The following PRICKLE2 variants were observed in gnomAD, a reference collection of about 807,000 sequenced individuals.
PRICKLE2 encodes the protein prickle-like protein 2.
A neutral mutation model predicts 81.4 loss-of-function variants in PRICKLE2; 21 were observed. The ratio of observed to expected loss-of-function variants is 0.26; its 90% CI spans 0.18 to 0.37. The LOEUF (loss-of-function observed/expected upper bound fraction) is 0.37, where lower values mean the gene tolerates loss of function less well. Ranked by LOEUF, PRICKLE2 falls within the 10% of genes least tolerant of loss-of-function variation. The pLI is 1.00. For missense variants in PRICKLE2, 940 were observed against 1,109.0 expected (o/e 0.85, Z 2.16); for synonymous variants, 456 against 421.5 (o/e 1.08, Z -1.00).
rs2077654432 is a variant in PRICKLE2 at position 64,157,358 on chromosome 3, C to T, written c.404G>A (p.Gly135Asp). The T allele has an allele frequency of 6.2e-7, 1 of 1,612,922 alleles. No individual in the cohort carries two copies. Among genetic ancestry groups the T allele is most frequent in the Non-Finnish European group, 8.5e-7 (1 of 1,180,016 alleles). Reference protein sequence around the residue: ...MTGAICEQCGGQINGGDIAVF... With the variant: ...MTGAICEQCGDQINGGDIAVF... ...AGCGATGTCTCCACCATTGATCTGG[C>T]CTCCGCACTGTGAGGCAAACAGAAA... The change falls in exon 5 of 8, where the codon GGC becomes GAC. Residue 135 changes from glycine to aspartate, a missense_variant. Transcript: ENST00000638394.
At chr3:64,135,874 C>T (rs1395186275) in intron 7 of PRICKLE2, among the ~76,000 whole-genome samples, 7 of 152,096 alleles carry the variant, frequency 4.6e-5, no homozygotes, top group Admixed American at 2.0e-4. Flanking sequence ...AAATTTTTTA[C>T]GCAACTTTCG....
intron 2 of PRICKLE2, among the ~76,000 whole-genome samples, chr3:64,240,996 T>C (rs1302703099): frequency 1.3e-5 from 2 of 152,056 alleles, no homozygotes; most frequent in African/African-American, 4.8e-5. Context: ...AAGCATACTA[T>C]TGGGTCTACA....
At chr3:64,130,388 G>A (rs2077179115) in intron 7 of PRICKLE2, among the ~76,000 whole-genome samples, 1 of 152,160 alleles carries the variant, frequency 6.6e-6, no homozygotes. Context: ...CGGCCACAGA[G>A]CCAGTAATGG....
intron 7 of PRICKLE2, among the ~76,000 whole-genome samples, chr3:64,109,159 G>T (rs1490680930): frequency 1.3e-5 from 2 of 152,102 alleles, no homozygotes; most frequent in African/African-American, 4.8e-5. Context: ...GTCACGATGG[G>T]GGTTGCCGCT....
chr3:64,140,602 C>G (rs2077345087), intron 7 of PRICKLE2, among the ~76,000 whole-genome samples: 3 of 152,174 alleles, frequency 2.0e-5, no homozygotes. Flanking sequence ...AATTCCAGCT[C>G]TACTATATAC....
At chr3:64,239,008 G>A (rs775874686) in intron 2 of PRICKLE2, among the ~76,000 whole-genome samples, 1 of 152,116 alleles carries the variant, frequency 6.6e-6, no homozygotes, top group Non-Finnish European at 1.5e-5. Flanking sequence ...AGCTCCCTGA[G>A]ATGCCACAGC....
intron 7 of PRICKLE2, among the ~76,000 whole-genome samples, chr3:64,131,927 A>G (rs1247732085): frequency 6.6e-6 from 1 of 152,216 alleles, no homozygotes; most frequent in East Asian, 1.9e-4. Context: ...GTGGAATTTG[A>G]GCCAGCAATA....
intron 2 of PRICKLE2, among the ~76,000 whole-genome samples, chr3:64,165,895 C>T (rs934317857): frequency 6.6e-6 from 1 of 151,380 alleles, no homozygotes; most frequent in African/African-American, 2.4e-5. Context: ...AAGAAAAATA[C>T]GTTGCAAGGA....
intron 2 of PRICKLE2, among the ~76,000 whole-genome samples, chr3:64,262,208 G>A (rs2079625080): frequency 6.6e-6 from 1 of 152,006 alleles, no homozygotes; most frequent in Non-Finnish European, 1.5e-5. Flanking sequence ...ACCCTCACCT[G>A]CTACAATTTG....
intron 7 of PRICKLE2, among the ~76,000 whole-genome samples, chr3:64,111,388 G>A (rs1247842726): frequency 2.0e-5 from 3 of 152,162 alleles, no homozygotes; most frequent in East Asian, 3.8e-4. Context: ...TTTGCCCAAG[G>A]TCATACAGAA....
At chr3:64,131,563 A>G (rs190852100) in intron 7 of PRICKLE2, among the ~76,000 whole-genome samples, 29 of 152,358 alleles carry the variant, frequency 1.9e-4, no homozygotes, top group Admixed American at 1.2e-3. Flanking sequence ...TGCTTTAATC[A>G]GATTTGTATA....
At chr3:64,198,255 T>C (rs144083271) in intron 2 of PRICKLE2, among the ~76,000 whole-genome samples, 31 of 125,934 alleles carry the variant, frequency 2.5e-4, no homozygotes, top group African/African-American at 8.9e-4. Context: ...AATAAATAAA[T>C]AAAACAAAAA....
Position 64,112,234 on chromosome 3 carries a change from A to G in PRICKLE2, c.1661-12309T>C, listed in dbSNP as rs140877839. ...GCCTGTCCACACCCCTCCTTTCCCC[A>G]TTAGACATATGCATTTCCCACTGGT... On this transcript the variant is annotated intron_variant, in intron 7 of 7. Coordinates refer to ENST00000638394, the MANE Select transcript of PRICKLE2 (RefSeq NM_198859.4). Among the ~76,000 whole-genome samples, 475 of 152,292 alleles carry G rather than the reference A, an allele frequency of 3.1e-3. 1 individual carries two copies. The highest frequency in any genetic ancestry group is 0.011 in the African/African-American group (445 of 41,562).
intron 7 of PRICKLE2, among the ~76,000 whole-genome samples, chr3:64,107,069 T>A (rs1407010534): frequency 6.6e-6 from 1 of 152,138 alleles, no homozygotes; most frequent in East Asian, 1.9e-4. Flanking sequence ...TTTATCCATA[T>A]CCCAAGGGTC....
chr3:64,098,481 A>G lies in PRICKLE2; in HGVS notation c.*570T>C, dbSNP rs1229638279. On this transcript the variant is annotated 3_prime_UTR_variant, in exon 8 of 8. Coordinates refer to ENST00000638394, the MANE Select transcript of PRICKLE2 (RefSeq NM_198859.4). ...TAACAAATTTGTATAGAAAAAAAAA[A>G]AAAAAAAAAAAAGGTGGTACCGGGC... The G allele has an allele frequency of 1.3e-5, 2 of 151,742 alleles. No homozygotes were observed. The highest frequency in any genetic ancestry group is 2.9e-5 in the Non-Finnish European group (2 of 67,824). 9.4% of individuals were successfully genotyped at this position (151,742 alleles called of 1,614,324 possible). A position where few individuals can be genotyped will look rare whatever the true frequency, so the allele number is the denominator to read the frequency against.
At chr3:64,196,438 G>A (rs578142409) in intron 2 of PRICKLE2, among the ~76,000 whole-genome samples, 1 of 152,294 alleles carries the variant, frequency 6.6e-6, no homozygotes, top group Admixed American at 6.5e-5. Flanking sequence ...TTCAAGTACT[G>A]GTGGTAGAAT....
At chr3:64,229,049 G>C (rs1291990832), upstream of PRICKLE2, among the ~76,000 whole-genome samples, 1 of 152,118 alleles carries the variant, frequency 6.6e-6, no homozygotes, top group African/African-American at 2.4e-5. Context: ...GTAGAAAAAG[G>C]CTGCAAAAAT....
At chr3:64,243,603 T>G (rs1369999894) in intron 2 of PRICKLE2, among the ~76,000 whole-genome samples, 1 of 152,220 alleles carries the variant, frequency 6.6e-6, no homozygotes, top group Non-Finnish European at 1.5e-5. Flanking sequence ...ATTCAACCTC[T>G]TTGAGGCTTT....
At chr3:64,165,038 T>C (rs563608297) in intron 2 of PRICKLE2, among the ~76,000 whole-genome samples, 10 of 152,200 alleles carry the variant, frequency 6.6e-5, no homozygotes, top group Non-Finnish European at 1.5e-4. Flanking sequence ...CATTACTTTG[T>C]CATTCTCCCA....
Sources: allele counts gnomAD v4.1 joint callset (sites outside exome capture counted in the v4.1 genomes callset), GRCh38; gene constraint gnomAD v4.1.1; transcripts MANE v1.5; gene names NCBI Gene and HGNC (gene_info 2026-07-23, HGNC 2026-07-21).